GTF2IRD1: variants seen among roughly 807,000 people sequenced by gnomAD.
GTF2IRD1 encodes general transcription factor II-I repeat domain-containing protein 1.
Under a neutral mutation model 113.2 loss-of-function variants are expected in GTF2IRD1, and 26 were observed. That is an observed-to-expected ratio of 0.23 (90% CI 0.17 to 0.32). The LOEUF is 0.32. Among genes scored for constraint, GTF2IRD1 ranks in the 10% least tolerant of loss-of-function variants. The probability of loss-of-function intolerance (pLI) is 1.00; values close to 1 mark genes in which losing one functional copy is unlikely to be tolerated. For missense variants in GTF2IRD1, 864 were observed against 1,280.8 expected, an observed-to-expected ratio of 0.67 and a Z score of 4.97; for synonymous variants, 484 against 529.1, an observed-to-expected ratio of 0.91 and a Z score of 1.17.
At position 74,508,182 on chromosome 7, in the gene GTF2IRD1, C is replaced by T. The variant is rs374457609; in HGVS notation, c.102C>T (p.Leu34=). 5.3e-5 allele frequency: 85 copies of T among 1,612,800 alleles called. No individual in the cohort carries two copies. Among genetic ancestry groups the T allele is most frequent in the Admixed American group, 6.7e-5 (4 of 59,992 alleles). Residue 34 remains leucine, a synonymous_variant, in exon 2 of 27, where the codon CTC becomes CTT. Coordinates refer to ENST00000424337, the MANE Select transcript of GTF2IRD1 (RefSeq NM_005685.4). ...GCAAAGACGAGATCATCACCAGCCTCGTGTCTGCCTTAGACTCCATGGTGA... is the reference window on the plus strand; with the variant it reads ...GCAAAGACGAGATCATCACCAGCCTTGTGTCTGCCTTAGACTCCATGGTGA... ...FTRKDEIITS[L]VSALDSMCSA... is the part of the protein sequence containing the mutation.
At chr7:74,468,491 C>T (rs1793867387) in intron 1 of GTF2IRD1, among the ~76,000 whole-genome samples, 1 of 151,824 alleles carries the variant, frequency 6.6e-6, no homozygotes, top group Admixed American at 6.6e-5. Context: ...AACCCCATCT[C>T]TACTAAAAAT....
chr7:74,538,583 C>T, intron 12 of GTF2IRD1, 97 bp from the exon 13 acceptor site: 5 of 835,842 alleles, frequency 6.0e-6, no homozygotes, highest in Non-Finnish European at 1.1e-5. Context: ...TAGGGCCTCA[C>T]TAACAAGTTA....
intron 16 of GTF2IRD1, 126 bp downstream of exon 16, chr7:74,545,935 G>C (rs1382479469): frequency 1.4e-6 from 1 of 734,796 alleles, no homozygotes; most frequent in East Asian, 2.6e-5. Flanking sequence ...GCAGGGACAA[G>C]GGAGAGAGGG....
At chr7:74,559,848 C>A (rs1430523881) in intron 22 of GTF2IRD1, among the ~76,000 whole-genome samples, 193 bp downstream of exon 22, 1 of 151,910 alleles carries the variant, frequency 6.6e-6, no homozygotes, top group African/African-American at 2.4e-5. Context: ...GGCTTCATCT[C>A]GGTTCACTGC....
chr7:74,487,470 C>T (rs1407508347), intron 1 of GTF2IRD1: 1 of 152,232 alleles, frequency 6.6e-6, no homozygotes, highest in Non-Finnish European at 1.5e-5. Flanking sequence ...TAAGAACTAA[C>T]CAGACCCGAC....
chr7:74,510,621 A>G (rs1562818306), intron 2 of GTF2IRD1, among the ~76,000 whole-genome samples: 1 of 151,948 alleles, frequency 6.6e-6, no homozygotes, highest in East Asian at 1.9e-4. Flanking sequence ...TTTAAATTCG[A>G]ATTCGTTAAA....
chr7:74,473,207 A>T (rs562849490), intron 1 of GTF2IRD1, among the ~76,000 whole-genome samples: 1 of 152,188 alleles, frequency 6.6e-6, no homozygotes, highest in African/African-American at 2.4e-5. Context: ...TGGGATGACA[A>T]CCAGAAGAGC....
chr7:74,494,643 T>G (rs1795553250), intron 1 of GTF2IRD1, among the ~76,000 whole-genome samples: 1 of 152,032 alleles, frequency 6.6e-6, no homozygotes, highest in Non-Finnish European at 1.5e-5. Context: ...TTTTTTCACT[T>G]TGGGAGGCCG....
At chr7:74,486,250 G>C (rs1795019432) in intron 1 of GTF2IRD1, among the ~76,000 whole-genome samples, 1 of 152,212 alleles carries the variant, frequency 6.6e-6, no homozygotes, top group African/African-American at 2.4e-5. Context: ...TGTTAGGAAT[G>C]TGTTTGTTGC....
intron 22 of GTF2IRD1, 147 bp downstream of exon 22, chr7:74,559,802 C>T (rs1260632067): frequency 3.4e-6 from 2 of 588,560 alleles, no homozygotes; most frequent in Non-Finnish European, 5.6e-6. Context: ...TTTTCTGAGG[C>T]AGAGTCCTTC....
chr7:74,502,364 GC>G (rs1796076935), intron 1 of GTF2IRD1, among the ~76,000 whole-genome samples: 2 of 152,302 alleles, frequency 1.3e-5, no homozygotes, highest in South Asian at 4.1e-4. Flanking sequence ...GTCAGAACCA[GC>G]TAGTGGGAAC....
At chr7:74,531,338 T>C (rs1797953935) in intron 9 of GTF2IRD1, among the ~76,000 whole-genome samples, 1 of 152,180 alleles carries the variant, frequency 6.6e-6, no homozygotes, top group South Asian at 2.1e-4. Context: ...ACAACTGCAC[T>C]CCAGCCTGGG....
intron 22 of GTF2IRD1, among the ~76,000 whole-genome samples, chr7:74,562,402 C>A (rs1554359332): frequency 6.6e-6 from 1 of 152,054 alleles, no homozygotes; most frequent in Non-Finnish European, 1.5e-5. Flanking sequence ...TCATTCAAGT[C>A]CCTGTACCCG....
intron 1 of GTF2IRD1, among the ~76,000 whole-genome samples, chr7:74,492,751 A>T (rs548678377): frequency 1.1e-3 from 164 of 151,196 alleles, no homozygotes; most frequent in African/African-American, 3.9e-3. Flanking sequence ...CGACAGTGCC[A>T]TGCTCCCTCC....
rs369245593 is a variant in GTF2IRD1, at chr7:74,574,455, A to AT, written c.2320+14821dup. On this transcript the variant is annotated intron_variant, in intron 22 of 26. Transcript: ENST00000424337. ...CACTACACCGGGCCTAGATACTGGAATTTTTTTTTTTTTTTTTTTTTAAGG... is the reference window on the plus strand; with the variant it reads ...CACTACACCGGGCCTAGATACTGGAATTTTTTTTTTTTTTTTTTTTTTAAGG... 7.3e-3 allele frequency among the ~76,000 whole-genome samples: 937 copies of AT among 128,204 alleles called. 6 individuals are homozygous for AT. The highest frequency in any genetic ancestry group is 0.016 in the African/African-American group (556 of 34,462). 84.1% of individuals were successfully genotyped at this position (128,204 alleles called of 152,430 possible). A position where few individuals can be genotyped will look rare whatever the true frequency, so the allele number is the denominator to read the frequency against.
At chr7:74,521,742 A>C (rs1313982168) in intron 7 of GTF2IRD1, among the ~76,000 whole-genome samples, 1 of 152,220 alleles carries the variant, frequency 6.6e-6, no homozygotes, top group Non-Finnish European at 1.5e-5. Flanking sequence ...AGCCCGGGCA[A>C]CAGTTAGACC....
intron 1 of GTF2IRD1, among the ~76,000 whole-genome samples, chr7:74,498,332 A>G (rs544598345): frequency 4.5e-4 from 68 of 152,290 alleles, no homozygotes; most frequent in Admixed American, 3.7e-3. Flanking sequence ...AGGTGTCTGC[A>G]TATCCTGGAT....
chr7:74,576,214 G>A (rs1389548946), intron 22 of GTF2IRD1, among the ~76,000 whole-genome samples: 1 of 151,876 alleles, frequency 6.6e-6, no homozygotes, highest in Non-Finnish European at 1.5e-5. Context: ...CAAATTTATT[G>A]CCTTACAGTT....
chr7:74,471,701 A>ACAC (rs1794114243), intron 1 of GTF2IRD1, among the ~76,000 whole-genome samples: 1 of 134,708 alleles, frequency 7.4e-6, no homozygotes, highest in African/African-American at 2.8e-5. Flanking sequence ...AAAAAAAAAA[A>ACAC]CAAAAAAAAC....
Sources: allele counts gnomAD v4.1 joint callset (sites outside exome capture counted in the v4.1 genomes callset), GRCh38; gene constraint gnomAD v4.1.1; transcripts MANE v1.5; gene names NCBI Gene and HGNC (gene_info 2026-07-23, HGNC 2026-07-21).